Variants in LRCH2 observed in about 807,000 individuals in gnomAD.
The protein encoded by LRCH2 is leucine rich repeats and calponin homology domain containing 2.
LRCH2 carries 38 observed loss-of-function variants against 68.9 expected under a neutral mutation model. The ratio of observed to expected loss-of-function variants is 0.55; its 90% CI spans 0.43 to 0.72. The LOEUF is 0.72. Among genes scored for constraint, LRCH2 ranks in the 30% least tolerant of loss-of-function variants. LRCH2 has a pLI of 0.00. For synonymous variants in LRCH2, 191 were observed against 208.1 expected (o/e 0.92, Z 0.71); for missense variants, 528 against 572.9 (o/e 0.92, Z 0.80).
chrX:115,177,046 CTTTTTT>C (rs35686915), intron 5 of LRCH2, among the ~76,000 whole-genome samples: 1 of 66,660 alleles, frequency 1.5e-5, no homozygotes. Context: ...CGCACCCAGC[CTTTTTT>C]TTTTTTTTTT....
At chrX:115,187,645 T>C (rs1478870288) in intron 2 of LRCH2, among the ~76,000 whole-genome samples, 3 of 112,239 alleles carry the variant, frequency 2.7e-5, no homozygotes, top group African/African-American at 9.7e-5. Flanking sequence ...TAAGGTAATA[T>C]GGGTAAAGCG....
chrX:115,215,894 AT>A (rs1165468082), intron 1 of LRCH2, among the ~76,000 whole-genome samples: 1 of 111,676 alleles, frequency 9.0e-6, no homozygotes, highest in Non-Finnish European at 1.9e-5. Flanking sequence ...GGAATACAAA[AT>A]GAGGTAACTT....
At chrX:115,152,384 C>A (rs781987085) in intron 12 of LRCH2, among the ~76,000 whole-genome samples, 56 of 111,767 alleles carry the variant, frequency 5.0e-4, no homozygotes, top group African/African-American at 1.8e-3. Flanking sequence ...GTCATTTAAT[C>A]AAAAATTCAA....
rs1556558953 is a variant in LRCH2, at chrX:115,191,218, G to A, written c.350-2848C>T. 4.3e-6 allele frequency: 5 copies of A among 1,155,763 alleles called. No individual in the cohort carries two copies. The African/African-American group carries it at 5.5e-5, about 13-fold the overall frequency. ...CTACGGAGGAGGAGGCTGCTACGAGGAGTACCGAGGCCGCTCCCTCGATGC... is the reference window on the plus strand; with the variant it reads ...CTACGGAGGAGGAGGCTGCTACGAGAAGTACCGAGGCCGCTCCCTCGATGC... On this transcript the variant is annotated intron_variant, in intron 1 of 20. Transcript: ENST00000317135.
intron 14 of LRCH2, among the ~76,000 whole-genome samples, chrX:115,136,254 G>A (rs1556531972): frequency 9.0e-6 from 1 of 111,274 alleles, no homozygotes; most frequent in Non-Finnish European, 1.9e-5. Flanking sequence ...ATCATCTCTT[G>A]ATATCTGCAA....
At chrX:115,182,600 G>A (rs782449125) in intron 3 of LRCH2, among the ~76,000 whole-genome samples, 88 of 111,107 alleles carry the variant, frequency 7.9e-4, no homozygotes, top group African/African-American at 2.8e-3. Flanking sequence ...TTGGGAGACC[G>A]AGGCAGGTGG....
At position 115,124,010 on chromosome X, in the gene LRCH2, A is replaced by C. The variant is rs782309604; in HGVS notation, c.1792-8T>G. The C allele has an allele frequency of 1.8e-5, 18 of 1,011,173 alleles. No individual in the cohort carries two copies. Among genetic ancestry groups the C allele is most frequent in the Admixed American group, 3.7e-5 (1 of 27,148 alleles). 83.3% of individuals were successfully genotyped at this position (1,011,173 alleles called of 1,213,427 possible). A position where few individuals can be genotyped will look rare whatever the true frequency, so the allele number is the denominator to read the frequency against. ...ATCAGTTCTGTCATATTCCTAAAAA[A>C]AAATTAAAAAGTTAAAAATAAATAA... On this transcript the variant is annotated splice_region_variant and splice_polypyrimidine_tract_variant and intron_variant, in intron 16 of 20. Coordinates refer to ENST00000317135, the MANE Select transcript of LRCH2 (RefSeq NM_020871.4).
At chrX:115,201,254 T>A (rs782113286) in intron 1 of LRCH2, among the ~76,000 whole-genome samples, 2 of 111,274 alleles carry the variant, frequency 1.8e-5, no homozygotes, top group Non-Finnish European at 3.8e-5. Context: ...ACACAACACA[T>A]AGGAATTATG....
At chrX:115,152,745 C>T (rs782773171) in intron 12 of LRCH2, among the ~76,000 whole-genome samples, 1 of 110,909 alleles carries the variant, frequency 9.0e-6, no homozygotes, top group Non-Finnish European at 1.9e-5. Context: ...AATAAACCCA[C>T]AAATTCAAGA....
intron 20 of LRCH2, among the ~76,000 whole-genome samples, chrX:115,118,959 A>T (rs1417538561): frequency 5.4e-5 from 6 of 111,868 alleles, no homozygotes; most frequent in Non-Finnish European, 1.1e-4. Context: ...ACTTTGACAA[A>T]ATTCAACAAC....
intron 14 of LRCH2, among the ~76,000 whole-genome samples, chrX:115,146,951 ACAC>A (rs2072389588): frequency 9.3e-6 from 1 of 107,895 alleles, no homozygotes; most frequent in African/African-American, 3.4e-5. Context: ...ACACACACAC[ACAC>A]ACACATTCAA....
At chrX:115,113,915 G>A (rs2072061439) in intron 20 of LRCH2, among the ~76,000 whole-genome samples, 2 of 110,652 alleles carry the variant, frequency 1.8e-5, no homozygotes, top group African/African-American at 6.5e-5. Context: ...TGTTTCCAAG[G>A]GTTCTGTCTT....
chrX:115,188,497 T>C (rs977755969), intron 1 of LRCH2, 127 bp from the exon 2 acceptor site: 2 of 455,480 alleles, frequency 4.4e-6, no homozygotes, highest in South Asian at 8.5e-5. Context: ...TATACAATAT[T>C]ATCCATCAAT....
intron 1 of LRCH2, among the ~76,000 whole-genome samples, chrX:115,217,956 G>C (rs1329101334): frequency 9.0e-6 from 1 of 111,533 alleles, no homozygotes; most frequent in Non-Finnish European, 1.9e-5. Context: ...TTGTGGTTTT[G>C]ATTTGCATTT....
At chrX:115,199,614 G>A (rs1002786654) in intron 1 of LRCH2, among the ~76,000 whole-genome samples, 1 of 111,926 alleles carries the variant, frequency 8.9e-6, no homozygotes, top group South Asian at 3.7e-4. Context: ...AATTTTAAAT[G>A]TATATGCACC....
chrX:115,179,373 G>A, intron 5 of LRCH2, 54 bp downstream of exon 5: 1 of 970,695 alleles, frequency 1.0e-6, no homozygotes, highest in South Asian at 3.3e-5. Flanking sequence ...GTCATAAACA[G>A]ATAAAATTAT....
chrX:115,211,223 C>A (rs1254011075), intron 1 of LRCH2, among the ~76,000 whole-genome samples: 1 of 111,497 alleles, frequency 9.0e-6, no homozygotes, highest in Non-Finnish European at 1.9e-5. Context: ...CTTGAATTCC[C>A]ATGTGTTGTG....
intron 5 of LRCH2, among the ~76,000 whole-genome samples, chrX:115,174,706 G>C (rs2072633799): frequency 9.1e-6 from 1 of 110,039 alleles, no homozygotes; most frequent in South Asian, 3.9e-4. Context: ...AATGAACATG[G>C]GAGTGCAGAT....
In LRCH2 at chrX:115,176,099, T is replaced by C. The variant is rs143718806; in HGVS notation, c.864+3328A>G. Among the ~76,000 whole-genome samples the C allele has an allele frequency of 5.4e-3, 605 of 112,156 alleles. 3 individuals are homozygous for C. The highest frequency in any genetic ancestry group is 0.019 in the African/African-American group (574 of 30,897). ...TGGGAAGAAATCTGACGCATTTTGGTGACCAGAAGTGAAGTATTCTGTATT... is the reference window on the plus strand; with the variant it reads ...TGGGAAGAAATCTGACGCATTTTGGCGACCAGAAGTGAAGTATTCTGTATT... On this transcript the variant is annotated intron_variant, in intron 5 of 20. Coordinates refer to ENST00000317135, the MANE Select transcript of LRCH2 (RefSeq NM_020871.4).
Sources: allele counts gnomAD v4.1 joint callset (sites outside exome capture counted in the v4.1 genomes callset), GRCh38; gene constraint gnomAD v4.1.1; transcripts MANE v1.5; gene names NCBI Gene and HGNC (gene_info 2026-07-23, HGNC 2026-07-21).